ZFYVE28: variants seen among roughly 807,000 people sequenced by gnomAD.
ZFYVE28 encodes the protein lateral signaling target protein 2 homolog.
Under a neutral mutation model 82.1 loss-of-function variants are expected in ZFYVE28, and 40 were observed. That is an observed-to-expected ratio of 0.49 (90% CI 0.38 to 0.63). The LOEUF is 0.63. Among genes scored for constraint, ZFYVE28 ranks in the 30% least tolerant of loss-of-function variants. The pLI is 0.00. For missense variants in ZFYVE28, 1,321 were observed against 1,242.1 expected (o/e 1.06, Z -0.96); for synonymous variants, 612 against 546.1 (o/e 1.12, Z -1.68).
intron 1 of ZFYVE28, chr4:2,364,380 C>T: frequency 1.1e-6 from 1 of 951,200 alleles, no homozygotes; most frequent in Non-Finnish European, 1.3e-6. Flanking sequence ...ACTGAACGCC[C>T]TGCCCGCCCC....
At chr4:2,360,304 G>A (rs536530865) in intron 1 of ZFYVE28, among the ~76,000 whole-genome samples, 42 of 151,774 alleles carry the variant, frequency 2.8e-4, no homozygotes, top group African/African-American at 9.4e-4. Context: ...CAAATACCCT[G>A]CCGCTGTACC....
chr4:2,411,671 C>T (rs992877977), intron 1 of ZFYVE28, among the ~76,000 whole-genome samples: 4 of 152,280 alleles, frequency 2.6e-5, no homozygotes, highest in Admixed American at 6.5e-5. Flanking sequence ...TGTAGAGGTT[C>T]GAGCAAGGTG....
At chr4:2,364,609 G>C (rs1290473958) in intron 1 of ZFYVE28, 1 of 985,418 alleles carries the variant, frequency 1.0e-6, no homozygotes, top group East Asian at 1.1e-4. Flanking sequence ...CCAGGTTCTT[G>C]GCCGCCTGTC....
intron 6 of ZFYVE28, among the ~76,000 whole-genome samples, chr4:2,334,358 C>T (rs143822985): frequency 1.3e-5 from 2 of 152,116 alleles, no homozygotes; most frequent in African/African-American, 4.8e-5. Context: ...CATTGCTCCC[C>T]ACTCCAACAA....
intron 1 of ZFYVE28, among the ~76,000 whole-genome samples, chr4:2,383,627 T>C (rs1419375923): frequency 1.3e-5 from 2 of 152,234 alleles, no homozygotes; most frequent in African/African-American, 4.8e-5. Context: ...CGGTATCTTC[T>C]GTTAAAATGC....
chr4:2,286,381 G>C (rs763024159), intron 8 of ZFYVE28: 1 of 152,342 alleles, frequency 6.6e-6, no homozygotes, highest in Non-Finnish European at 1.5e-5. Flanking sequence ...AGGCGTGGAC[G>C]GGGACGCTGC....
chr4:2,357,849 A>G (rs60742583), intron 1 of ZFYVE28, among the ~76,000 whole-genome samples: 2,223 of 152,302 alleles, frequency 0.015, 52 homozygotes, highest in African/African-American at 0.051. Context: ...GGAACCCAGA[A>G]TCATTCTCTG....
chr4:2,294,956 A>C (rs564989940), intron 8 of ZFYVE28, among the ~76,000 whole-genome samples: 1 of 100,098 alleles, frequency 1.0e-5, no homozygotes, highest in African/African-American at 4.5e-5. Flanking sequence ...TCTCTAAAAA[A>C]TTACTTAAAA....
chr4:2,321,031 C>T (rs1718998485), intron 6 of ZFYVE28, among the ~76,000 whole-genome samples: 1 of 152,120 alleles, frequency 6.6e-6, no homozygotes, highest in African/African-American at 2.4e-5. Context: ...ATCCATGTCT[C>T]AGCCCGTCTC....
chr4:2,303,904 G>C lies in ZFYVE28; in HGVS notation c.2051+385C>G, dbSNP rs558626982. 6.6e-5 allele frequency among the ~76,000 whole-genome samples: 10 copies of C among 152,336 alleles called. No homozygotes were observed. The East Asian group carries it at 1.5e-3, about 23-fold the overall frequency. On this transcript the variant is annotated intron_variant, in intron 8 of 12. Coordinates refer to ENST00000290974, the MANE Select transcript of ZFYVE28 (RefSeq NM_020972.3). ...GGATGCGGCTCAGGGCAAGGGGCCCGGCGCTGGCACAGCCCGCTCCCACTG... is the reference window on the plus strand; with the variant it reads ...GGATGCGGCTCAGGGCAAGGGGCCCCGCGCTGGCACAGCCCGCTCCCACTG...
At chr4:2,375,643 C>T (rs779546957) in intron 1 of ZFYVE28, among the ~76,000 whole-genome samples, 3 of 46,166 alleles carry the variant, frequency 6.5e-5, no homozygotes, top group Non-Finnish European at 1.2e-4. Flanking sequence ...GAGGAAACGA[C>T]GTGGCGCCTG....
chr4:2,319,870 A>C (rs1163752907), intron 7 of ZFYVE28, among the ~76,000 whole-genome samples: 1 of 151,318 alleles, frequency 6.6e-6, no homozygotes, highest in Non-Finnish European at 1.5e-5. Context: ...GGACAATGGG[A>C]ATGGTGGGGA....
chr4:2,400,720 A>G (rs1731083133), intron 1 of ZFYVE28, among the ~76,000 whole-genome samples: 1 of 152,188 alleles, frequency 6.6e-6, no homozygotes, highest in African/African-American at 2.4e-5. Context: ...AGAAAGCTGT[A>G]GGCTGGGAGG....
chr4:2,271,538 C>G, intron 11 of ZFYVE28, 124 bp from the exon 12 acceptor site: 1 of 1,413,198 alleles, frequency 7.1e-7, no homozygotes, highest in South Asian at 1.2e-5. Flanking sequence ...AGCCAGCCTC[C>G]GGGGGGGCGG....
chr4:2,296,173 C>G (rs1394664247), intron 8 of ZFYVE28, among the ~76,000 whole-genome samples: 1 of 152,164 alleles, frequency 6.6e-6, no homozygotes, highest in Non-Finnish European at 1.5e-5. Context: ...TGGGAGGAGG[C>G]CCATCTGCAA....
At chr4:2,385,120 C>T (rs979384083) in intron 1 of ZFYVE28, among the ~76,000 whole-genome samples, 4 of 152,204 alleles carry the variant, frequency 2.6e-5, no homozygotes, top group African/African-American at 9.6e-5. Flanking sequence ...AAGGCCAAGT[C>T]ACTCAGGGAC....
At chr4:2,326,143 G>A (rs1473096475) in intron 6 of ZFYVE28, among the ~76,000 whole-genome samples, 1 of 152,168 alleles carries the variant, frequency 6.6e-6, no homozygotes, top group East Asian at 1.9e-4. Flanking sequence ...GACTAATGTT[G>A]TGTAGTCTTT....
intron 1 of ZFYVE28, among the ~76,000 whole-genome samples, chr4:2,415,451 TACACACAC>T (rs58420760): frequency 0.011 from 1,593 of 147,264 alleles, 19 homozygotes; most frequent in Non-Finnish European, 0.016. Context: ...ACCCTGTCTC[TACACACAC>T]ACACACACAC....
chr4:2,355,072 C>T (rs1476789453), intron 1 of ZFYVE28, among the ~76,000 whole-genome samples: 1 of 151,214 alleles, frequency 6.6e-6, no homozygotes, highest in Non-Finnish European at 1.5e-5. Context: ...GCTCTACGCA[C>T]ACAGCACGGC....
Sources: gnomAD v4.1 joint callset for allele counts (sites outside exome capture counted in the v4.1 genomes callset) on GRCh38, gnomAD v4.1.1 for gene constraint, MANE v1.5 for transcripts, NCBI Gene and HGNC (gene_info 2026-07-23, HGNC 2026-07-21) for gene names.